EDA: variants seen among roughly 807,000 people sequenced by gnomAD.
The protein encoded by EDA is ectodysplasin A.
Under a neutral mutation model 23.6 loss-of-function variants are expected in EDA, and 2 were observed. That is an observed-to-expected ratio of 0.08 (90% CI 0.03 to 0.27). The LOEUF is 0.27. EDA is among the 10% of genes least tolerant of loss of function. The pLI, the probability that EDA is intolerant of heterozygous loss-of-function variation, is 1.00. For missense variants in EDA, 229 were observed against 324.2 expected, an observed-to-expected ratio of 0.71 and a Z score of 2.26; for synonymous variants, 131 against 132.0, an observed-to-expected ratio of 0.99 and a Z score of 0.05.
At chrX:69,904,029 G>A (rs1602522866) in intron 1 of EDA, among the ~76,000 whole-genome samples, 1 of 110,256 alleles carries the variant, frequency 9.1e-6, no homozygotes, top group South Asian at 3.9e-4. Flanking sequence ...GCAGGCTGGT[G>A]TCGAACTCCT....
chrX:69,955,279 C>T (rs139848326), intron 1 of EDA, among the ~76,000 whole-genome samples: 43 of 112,087 alleles, frequency 3.8e-4, no homozygotes, highest in Admixed American at 1.1e-3. Flanking sequence ...AAATACTACT[C>T]AGTTGAACCA....
At chrX:69,738,096 A>G (rs1455375864) in intron 1 of EDA, among the ~76,000 whole-genome samples, 1 of 111,090 alleles carries the variant, frequency 9.0e-6, no homozygotes, top group African/African-American at 3.3e-5. Flanking sequence ...TGAATTATCA[A>G]GTTTATAATT....
rs373022573 is a variant in EDA at position 69,677,135 on chromosome X, A to G, written c.396+60431A>G. On this transcript the variant is annotated intron_variant, in intron 1 of 7. Coordinates refer to ENST00000374552, the MANE Select transcript of EDA (RefSeq NM_001399.5). ...AGAATGATGATTTCCAATTTCATCC[A>G]TGTCCCTACAAAGGACATGAACTCA... Among the ~76,000 whole-genome samples, 159 of 102,777 alleles carry G rather than the reference A, an allele frequency of 1.5e-3. 1 individual carries two copies. In the East Asian group the frequency reaches 0.038, roughly 25 times the overall value. The allele number at this position is 102,777 out of a possible 115,157, so 89.2% of individuals were successfully genotyped here.
chrX:69,728,243 CAAA>C (rs71895672), intron 1 of EDA, among the ~76,000 whole-genome samples: 2 of 92,069 alleles, frequency 2.2e-5, no homozygotes, highest in African/African-American at 8.0e-5. Flanking sequence ...GACTCCATCT[CAAA>C]AAAAAAAAAA....
chrX:70,005,615 G>A (rs1176823591), intron 2 of EDA, among the ~76,000 whole-genome samples: 1 of 108,499 alleles, frequency 9.2e-6, no homozygotes, highest in Non-Finnish European at 1.9e-5. Flanking sequence ...GGATGTGTAG[G>A]TATTGAGGGA....
chrX:69,945,816 C>A (rs1461162595), intron 1 of EDA, among the ~76,000 whole-genome samples: 2 of 111,902 alleles, frequency 1.8e-5, no homozygotes, highest in African/African-American at 3.2e-5. Context: ...CCACAGACAT[C>A]CTAATGCTGG....
intron 1 of EDA, among the ~76,000 whole-genome samples, chrX:69,897,501 C>T (rs2018035387): frequency 9.0e-6 from 1 of 111,660 alleles, no homozygotes; most frequent in Admixed American, 9.5e-5. Flanking sequence ...CCATTTAATC[C>T]AGGGTTTTAC....
intron 1 of EDA, among the ~76,000 whole-genome samples, chrX:69,918,269 G>T (rs2018375106): frequency 9.5e-6 from 1 of 105,467 alleles, no homozygotes; most frequent in Non-Finnish European, 1.9e-5. Flanking sequence ...AGATTCTCCT[G>T]CCTCAGCCTC....
At chrX:70,022,932 G>A (rs768862746) in intron 2 of EDA, 6 of 194,643 alleles carry the variant, frequency 3.1e-5, no homozygotes, top group Non-Finnish European at 3.9e-5. Flanking sequence ...GCATTTCTGG[G>A]CATTTCATCT....
At chrX:69,733,331 T>G (rs1410261113) in intron 1 of EDA, among the ~76,000 whole-genome samples, 2 of 112,258 alleles carry the variant, frequency 1.8e-5, no homozygotes, top group African/African-American at 6.5e-5. Flanking sequence ...CTAGCCAGTT[T>G]TCCCAGCACC....
intron 1 of EDA, among the ~76,000 whole-genome samples, chrX:69,847,725 T>G (rs2017038417): frequency 9.1e-6 from 1 of 109,831 alleles, no homozygotes; most frequent in Non-Finnish European, 1.9e-5. Flanking sequence ...AAGTTTCAGC[T>G]TTTTTTTTCC....
At chrX:69,690,166 A>G (rs1292192798) in intron 1 of EDA, among the ~76,000 whole-genome samples, 1 of 111,211 alleles carries the variant, frequency 9.0e-6, no homozygotes, top group Non-Finnish European at 1.9e-5. Flanking sequence ...GCCTAAGTTC[A>G]TAACTATAAC....
intron 1 of EDA, among the ~76,000 whole-genome samples, chrX:69,656,430 AAAAGTGGCTGGAAAAAAACAGATG>A: frequency 1.8e-5 from 2 of 111,969 alleles, no homozygotes; most frequent in Middle Eastern, 9.1e-3. Context: ...CCCATGCAAT[AAAAGTGGCTGGAAAAAAACAGATG>A]ACTACACTGC....
At chrX:69,854,135 A>G (rs190600336) in intron 1 of EDA, among the ~76,000 whole-genome samples, 3 of 110,775 alleles carry the variant, frequency 2.7e-5, no homozygotes, top group African/African-American at 9.8e-5. Context: ...ATTTTTCCTA[A>G]TCCTTTCCCT....
chrX:69,746,500 A>C (rs1398578708), intron 1 of EDA, among the ~76,000 whole-genome samples: 1 of 110,351 alleles, frequency 9.1e-6, no homozygotes, highest in Non-Finnish European at 1.9e-5. Context: ...GGATTTCTTT[A>C]GACTTCTATT....
intron 1 of EDA, among the ~76,000 whole-genome samples, chrX:69,683,433 C>T (rs746203160): frequency 1.8e-5 from 2 of 111,628 alleles, no homozygotes; most frequent in African/African-American, 6.5e-5. Context: ...TCTCAAGAAC[C>T]TGTCCAAACT....
intron 1 of EDA, among the ~76,000 whole-genome samples, chrX:69,668,313 C>T (rs1933758376): frequency 1.8e-5 from 2 of 111,463 alleles, no homozygotes; most frequent in South Asian, 7.4e-4. Context: ...TAATTATGGT[C>T]TAAAGTGACA....
intron 2 of EDA, among the ~76,000 whole-genome samples, chrX:70,014,622 A>T (rs940524862): frequency 1.8e-5 from 2 of 112,290 alleles, no homozygotes; most frequent in Non-Finnish European, 3.8e-5. Context: ...TCAGAATAAG[A>T]TTCAGGAGAA....
chrX:69,622,256 G>A (rs1457090691), intron 1 of EDA, among the ~76,000 whole-genome samples: 1 of 111,805 alleles, frequency 8.9e-6, no homozygotes, highest in Non-Finnish European at 1.9e-5. Flanking sequence ...CTGGGTCATG[G>A]AGGATGCATA....
Sources: allele counts gnomAD v4.1 joint callset (sites outside exome capture counted in the v4.1 genomes callset), GRCh38; gene constraint gnomAD v4.1.1; transcripts MANE v1.5; gene names NCBI Gene and HGNC (gene_info 2026-07-23, HGNC 2026-07-21).